The following RSBN1L variants were observed in gnomAD, a reference collection of about 807,000 sequenced individuals.
RSBN1L encodes the protein lysine-specific demethylase RSBN1L.
In RSBN1L, 30 loss-of-function variants were observed where a neutral mutation model predicts 67.7. The observed-to-expected ratio is 0.44, with a 90% CI of 0.33 to 0.60. The LOEUF is 0.60. Among genes scored for constraint, RSBN1L ranks in the 20% least tolerant of loss-of-function variants. The pLI, the probability that RSBN1L is intolerant of heterozygous loss-of-function variation, is 0.02. For synonymous variants in RSBN1L, 433 were observed against 387.0 expected (o/e 1.12, Z -1.39); for missense variants, 992 against 1,031.7 (o/e 0.96, Z 0.53).
Position 77,721,226 on chromosome 7 carries a change from GT to G in RSBN1L, c.587-15172del, listed in dbSNP as rs551342749. 4.0e-3 allele frequency among the ~76,000 whole-genome samples: 571 copies of G among 141,738 alleles called. 1 individual carries two copies. Among genetic ancestry groups the G allele is most frequent in the African/African-American group, 0.013 (507 of 38,950 alleles). The allele number at this position is 141,738 out of a possible 152,430, so 93.0% of individuals were successfully genotyped here. ...GACACTGCTCATTGTTGGTAATTTTGTTTTTTTTTTTTCTGTGTATTGCTTT... is the reference window on the plus strand; with the variant it reads ...GACACTGCTCATTGTTGGTAATTTTGTTTTTTTTTTTCTGTGTATTGCTTT... On this transcript the variant is annotated intron_variant, in intron 1 of 7. Transcript: ENST00000334955.
intron 2 of RSBN1L, among the ~76,000 whole-genome samples, chr7:77,742,180 A>ACACACACAC (rs60910312): frequency 2.2e-4 from 18 of 82,166 alleles, no homozygotes; most frequent in African/African-American, 9.8e-4. Context: ...AAAAAAAAAA[A>ACACACACAC]ATACACACAC....
intron 2 of RSBN1L, among the ~76,000 whole-genome samples, chr7:77,736,741 GT>G (rs1168483649): frequency 6.6e-6 from 1 of 151,998 alleles, no homozygotes; most frequent in African/African-American, 2.4e-5. Context: ...AAGTTAAAAG[GT>G]TAAGCTTCGT....
chr7:77,747,896 A>G (rs1791505591), intron 2 of RSBN1L, among the ~76,000 whole-genome samples: 1 of 150,298 alleles, frequency 6.7e-6, no homozygotes, highest in Non-Finnish European at 1.5e-5. Flanking sequence ...TGATGCTGGC[A>G]TCTGCTCAGC....
chr7:77,775,028 ATATT>A (rs886252619), intron 6 of RSBN1L, among the ~76,000 whole-genome samples: 2 of 152,164 alleles, frequency 1.3e-5, no homozygotes, highest in African/African-American at 4.8e-5. Context: ...CATCCAGTGA[ATATT>A]TATTTATTTT....
chr7:77,775,704 T>G (rs1328688543), intron 6 of RSBN1L, among the ~76,000 whole-genome samples: 2 of 152,192 alleles, frequency 1.3e-5, no homozygotes, highest in Non-Finnish European at 2.9e-5. Context: ...TGCTTCTAAA[T>G]TTCTTGGGGT....
At chr7:77,735,415 A>G (rs751806360) in intron 1 of RSBN1L, among the ~76,000 whole-genome samples, 36 of 152,190 alleles carry the variant, frequency 2.4e-4, no homozygotes, top group Non-Finnish European at 3.8e-4. Flanking sequence ...TATCATTAAA[A>G]TTAATAAAAT....
intron 1 of RSBN1L, among the ~76,000 whole-genome samples, chr7:77,728,894 T>A (rs1303009355): frequency 4.6e-5 from 7 of 152,202 alleles, no homozygotes; most frequent in Admixed American, 4.6e-4. Flanking sequence ...TACCTCAGGT[T>A]TGAGTTCTGG....
intron 1 of RSBN1L, among the ~76,000 whole-genome samples, chr7:77,720,062 C>G (rs1791095409): frequency 6.6e-6 from 1 of 152,198 alleles, no homozygotes; most frequent in Non-Finnish European, 1.5e-5. Context: ...CTGTTCCCAG[C>G]TGTATGTGTC....
At chr7:77,702,426 G>T (rs1198685127) in intron 1 of RSBN1L, among the ~76,000 whole-genome samples, 1 of 151,944 alleles carries the variant, frequency 6.6e-6, no homozygotes, top group East Asian at 1.9e-4. Context: ...TATTATTTTT[G>T]GTTTTTCTTA....
rs192683647 is a variant in RSBN1L at position 77,779,207 on chromosome 7, T to G, written c.*39T>G. 4.7e-4 allele frequency: 648 copies of G among 1,391,048 alleles called. 4 individuals are homozygous for G. The African/African-American group carries it at 8.7e-3, about 19-fold the overall frequency. 86.2% of individuals were successfully genotyped at this position (1,391,048 alleles called of 1,614,324 possible). The stretch of plus-strand genomic sequence containing the variant: ...ATCTAAAATCCTTTTTTAAAAAAAT[T>G]TAATGTAATAAAGATTCATGAATTC... On this transcript the variant is annotated 3_prime_UTR_variant, in exon 8 of 8. Coordinates refer to ENST00000334955, the MANE Select transcript of RSBN1L (RefSeq NM_198467.3).
At chr7:77,776,573 G>T (rs1408501509) in intron 6 of RSBN1L, among the ~76,000 whole-genome samples, 1 of 152,188 alleles carries the variant, frequency 6.6e-6, no homozygotes, top group Non-Finnish European at 1.5e-5. Context: ...TGTTTTGAAG[G>T]TTATTCCATA....
intron 1 of RSBN1L, among the ~76,000 whole-genome samples, chr7:77,711,827 A>G (rs1020878349): frequency 2.6e-5 from 4 of 152,176 alleles, no homozygotes; most frequent in African/African-American, 9.7e-5. Context: ...ATATTTCCAT[A>G]TATATAGAAT....
At chr7:77,700,971 A>G (rs893998502) in intron 1 of RSBN1L, among the ~76,000 whole-genome samples, 22 of 152,134 alleles carry the variant, frequency 1.4e-4, no homozygotes, top group African/African-American at 5.3e-4. Context: ...AGCCTGGGCA[A>G]CACGGTGAAA....
At chr7:77,708,709 C>G (rs1209635597) in intron 1 of RSBN1L, among the ~76,000 whole-genome samples, 2 of 151,778 alleles carry the variant, frequency 1.3e-5, no homozygotes, top group East Asian at 3.9e-4. Context: ...TGGGCAACAG[C>G]AAGACATGGT....
chr7:77,741,974 T>G (rs1457025199), intron 2 of RSBN1L, among the ~76,000 whole-genome samples: 1 of 151,900 alleles, frequency 6.6e-6, no homozygotes, highest in Non-Finnish European at 1.5e-5. Context: ...TCCCAGGGCC[T>G]GTGATTTGCT....
intron 3 of RSBN1L, among the ~76,000 whole-genome samples, chr7:77,762,914 C>T (rs1306153643): frequency 6.6e-6 from 1 of 152,020 alleles, no homozygotes; most frequent in Non-Finnish European, 1.5e-5. Flanking sequence ...GAAGAATTCA[C>T]TTAATGAAAA....
intron 2 of RSBN1L, among the ~76,000 whole-genome samples, chr7:77,739,972 G>A (rs1399966778): frequency 2.0e-5 from 3 of 151,102 alleles, no homozygotes; most frequent in South Asian, 2.1e-4. Context: ...GGCTGATGGC[G>A]AACTCCTGAG....
At chr7:77,723,036 C>T (rs1452186730) in intron 1 of RSBN1L, among the ~76,000 whole-genome samples, 2 of 147,604 alleles carry the variant, frequency 1.4e-5, no homozygotes, top group Non-Finnish European at 3.0e-5. Context: ...GGTGCAATCT[C>T]GGCTCACCAC....
At chr7:77,723,713 A>T (rs1169356550) in intron 1 of RSBN1L, among the ~76,000 whole-genome samples, 2 of 152,064 alleles carry the variant, frequency 1.3e-5, no homozygotes, top group Non-Finnish European at 2.9e-5. Flanking sequence ...AGGTGGGAGG[A>T]TCACAAGGTT....
Sources: gnomAD v4.1 joint callset for allele counts (sites outside exome capture counted in the v4.1 genomes callset) on GRCh38, gnomAD v4.1.1 for gene constraint, MANE v1.5 for transcripts, NCBI Gene and HGNC (gene_info 2026-07-23, HGNC 2026-07-21) for gene names.